The following BCR variants were observed in gnomAD, a reference collection of about 807,000 sequenced individuals.
BCR encodes breakpoint cluster region protein.
In BCR, 58 loss-of-function variants were observed where a neutral mutation model predicts 138.6. That is an observed-to-expected ratio of 0.42 (90% confidence interval 0.34 to 0.52). The LOEUF is 0.52. BCR is among the 20% of genes least tolerant of loss of function. The pLI is 0.06. For synonymous variants in BCR, 786 were observed against 730.1 expected (o/e 1.08, Z -1.23); for missense variants, 1,599 against 1,727.2 (o/e 0.93, Z 1.32).
chr22:23,242,726 G>A (rs184911777), intron 1 of BCR: 72 of 345,372 alleles, frequency 2.1e-4, no homozygotes, highest in East Asian at 9.0e-5. Context: ...CCATGGCACC[G>A]AGTTCAGGCC....
In BCR at chr22:23,182,118, G is replaced by T; in HGVS notation, c.1158G>T (p.Pro386=). 1 of 1,611,952 alleles carries T rather than the reference G, an allele frequency of 6.2e-7. No homozygotes were observed. Among genetic ancestry groups the T allele is most frequent in the Non-Finnish European group, 8.5e-7 (1 of 1,179,982 alleles). Residue 386 remains proline, a synonymous_variant, in exon 1 of 23, where the codon CCG becomes CCT. Transcript: ENST00000305877. ...QSFDSSSPPT[P]QCHKRHRHCP... is the part of the protein sequence containing the mutation. ...TCGACAGCAGCAGTCCCCCCACGCC[G>T]CAGTGCCATAAGCGGCACCGGCACT...
In BCR at chr22:23,264,299, C is replaced by T. The variant is rs950353141; in HGVS notation, c.1752+2759C>T. Reference sequence around the variant, plus strand: ...CTGTGTACTGCCTGCATCTCACCACCAAGCATCTCTATGCTGCGCTGTCTT... The same window carrying T: ...CTGTGTACTGCCTGCATCTCACCACTAAGCATCTCTATGCTGCGCTGTCTT... On this transcript the variant is annotated intron_variant, in intron 4 of 22. Coordinates refer to ENST00000305877, the MANE Select transcript of BCR (RefSeq NM_004327.4). The T allele has an allele frequency of 5.2e-6, 5 of 955,758 alleles. No homozygotes were observed. The African/African-American group carries it at 8.0e-5, about 15-fold the overall frequency. The allele number at this position is 955,758 out of a possible 1,614,324, so 59.2% of individuals were successfully genotyped here.
chr22:23,195,999 A>G (rs888696374), intron 1 of BCR, among the ~76,000 whole-genome samples: 10 of 152,258 alleles, frequency 6.6e-5, no homozygotes, highest in African/African-American at 1.7e-4. Flanking sequence ...ACAAAAATGG[A>G]AAGACAGGAC....
intron 1 of BCR, among the ~76,000 whole-genome samples, chr22:23,241,045 A>G (rs559769056): frequency 2.0e-5 from 3 of 152,254 alleles, no homozygotes; most frequent in East Asian, 3.9e-4. Context: ...ACTCCTTTAC[A>G]TGTATGTGGC....
chr22:23,228,489 G>A (rs942889587), intron 1 of BCR, among the ~76,000 whole-genome samples: 2 of 152,158 alleles, frequency 1.3e-5, no homozygotes, highest in East Asian at 3.8e-4. Context: ...CACAAACTTA[G>A]TGACTTCAAA....
intron 22 of BCR, 70 bp downstream of exon 22, chr22:23,314,784 C>T: frequency 6.4e-7 from 1 of 1,555,852 alleles, no homozygotes; most frequent in Admixed American, 1.7e-5. Flanking sequence ...GCCCCACCCC[C>T]AGTCCTGCCC....
chr22:23,261,732 T>C (rs1602075647), intron 4 of BCR, 192 bp downstream of exon 4: 1 of 117,914 alleles, frequency 8.5e-6, no homozygotes, highest in Non-Finnish European at 1.9e-5. Flanking sequence ...ATGCCCAGCC[T>C]TTTTTTTTTT....
intron 1 of BCR, among the ~76,000 whole-genome samples, chr22:23,193,593 A>AT (rs1448850701): frequency 1.3e-5 from 2 of 152,248 alleles, no homozygotes; most frequent in Admixed American, 1.3e-4. Flanking sequence ...CAGGGCCCTC[A>AT]TTCTCCTCCT....
rs1218057944 is a variant in BCR, at chr22:23,309,460, C to T, written c.3049C>T (p.Arg1017Cys). Residue 1017 changes from arginine (R) to cysteine (C), a missense_variant, in exon 17 of 23, where the codon CGC becomes TGC. Physicochemically the swap from Arg to Cys is radical, Grantham distance 180 (BLOSUM62 -3). Around this residue, in one of 4 missense-constraint regions of BCR, gnomAD observed 590 missense variants for 762.4 expected, o/e 0.77. Transcript: ENST00000305877. ...GGCCCTGCAGGACAGAGACTGGCAG[C>T]GCACCGTCATCGCCATGAATGGGGT... ...PQALQDRDWQ[R>C]TVIAMNGIEV... 5.6e-6 allele frequency: 9 copies of T among 1,604,102 alleles called. No homozygotes were observed. Among genetic ancestry groups the T allele is most frequent in the South Asian group, 2.2e-5 (2 of 89,296 alleles).
Position 23,315,926 on chromosome 22 carries a change from A to G in BCR, c.*404A>G. ...CGTGACTGGATTCCCTCACTGTTGT[A>G]TCTTGAATAAACGCTGCTGCTTCAT... On this transcript the variant is annotated 3_prime_UTR_variant, in exon 23 of 23. Coordinates refer to ENST00000305877, the MANE Select transcript of BCR (RefSeq NM_004327.4). The G allele has an allele frequency of 2.5e-6, 1 of 401,756 alleles. No homozygotes were observed. Among genetic ancestry groups the G allele is most frequent in the South Asian group, 2.3e-5 (1 of 42,820 alleles). The allele number at this position is 401,756 out of a possible 1,614,324, so 24.9% of individuals were successfully genotyped here.
chr22:23,263,426 GATA>G lies in BCR; in HGVS notation c.1752+1887_1752+1889del, dbSNP rs1213089302. On this transcript the variant is annotated intron_variant, in intron 4 of 22. Coordinates refer to ENST00000305877, the MANE Select transcript of BCR (RefSeq NM_004327.4). ...TCCCAGTGAAGGTGTCTCAGAACTG[GATA>G]GTGGGGTGCTGCCGAGAGGGGATTC... The G allele has an allele frequency of 1.6e-5, 21 of 1,322,638 alleles. 1 individual carries two copies. Among genetic ancestry groups the G allele is most frequent in the Non-Finnish European group, 1.1e-6 (1 of 915,978 alleles). The allele number at this position is 1,322,638 out of a possible 1,614,324, so 81.9% of individuals were successfully genotyped here.
intron 1 of BCR, among the ~76,000 whole-genome samples, chr22:23,194,401 T>C (rs1778248865): frequency 7.1e-6 from 1 of 141,130 alleles, no homozygotes; most frequent in South Asian, 2.1e-4. Flanking sequence ...ATTTTTTTTT[T>C]CTTTTTTTTT....
Position 23,180,641 on chromosome 22 carries a change from G to C in BCR, c.-320G>C, listed in dbSNP as rs1337080086. On this transcript the variant is annotated 5_prime_UTR_variant, in exon 1 of 23. Coordinates refer to ENST00000305877, the MANE Select transcript of BCR (RefSeq NM_004327.4). ...GGTGCGGAAGCGAGAGGCGAGGAGC[G>C]CGCGGGCCGTGGCCAGAGTCTGGCG... 1.2e-5 allele frequency: 2 copies of C among 165,026 alleles called. No individual in the cohort carries two copies. Among genetic ancestry groups the C allele is most frequent in the African/African-American group, 4.9e-5 (2 of 41,204 alleles). 10.2% of individuals were successfully genotyped at this position (165,026 alleles called of 1,614,324 possible).
intron 4 of BCR, among the ~76,000 whole-genome samples, chr22:23,267,990 C>T (rs1373802034): frequency 1.3e-5 from 2 of 151,862 alleles, no homozygotes; most frequent in East Asian, 1.9e-4. Context: ...GCGTGGAACA[C>T]CATGGGTGGG....
chr22:23,261,156 G>A, intron 3 of BCR, 102 bp downstream of exon 3: 1 of 1,316,360 alleles, frequency 7.6e-7, no homozygotes, highest in Non-Finnish European at 1.1e-6. Flanking sequence ...CAGAGCCTGG[G>A]TGCAGCTCGC....
chr22:23,276,413 A>C (rs1218010953), intron 8 of BCR, among the ~76,000 whole-genome samples: 1 of 152,002 alleles, frequency 6.6e-6, no homozygotes, highest in South Asian at 2.1e-4. Context: ...AAAAGAAAAA[A>C]AAAAAAAAAG....
At chr22:23,213,651 C>T (rs749436470) in intron 1 of BCR, among the ~76,000 whole-genome samples, 2 of 151,928 alleles carry the variant, frequency 1.3e-5, no homozygotes, top group Non-Finnish European at 2.9e-5. Flanking sequence ...AGTGAGAGCT[C>T]GTCTCTCCAA....
chr22:23,314,794 C>T (rs985485974), intron 22 of BCR, 80 bp downstream of exon 22: 2 of 1,525,166 alleles, frequency 1.3e-6, no homozygotes, highest in African/African-American at 1.4e-5. Context: ...CAGTCCTGCC[C>T]ATCTTCTTAC....
At chr22:23,292,718 A>T in intron 15 of BCR, 80 bp downstream of exon 15, 1 of 1,290,866 alleles carries the variant, frequency 7.7e-7, no homozygotes, top group Non-Finnish European at 1.1e-6. Context: ...CTAAACCTTC[A>T]GGGGCTCCCT....
Sources: gnomAD v4.1 joint callset for allele counts (sites outside exome capture counted in the v4.1 genomes callset) on GRCh38, gnomAD v4.1.1 for gene constraint, gnomAD v4.1.1 regional missense constraint, MANE v1.5 for transcripts, NCBI Gene and HGNC (gene_info 2026-07-23, HGNC 2026-07-21) for gene names.